MNAT1: variants seen among roughly 807,000 people sequenced by gnomAD.
MNAT1 encodes the protein CDK-activating kinase assembly factor MAT1.
In MNAT1, 43 loss-of-function variants were observed where a neutral mutation model predicts 42.0. That is an observed-to-expected ratio of 1.02 (90% CI 0.80 to 1.32). The LOEUF (loss-of-function observed/expected upper bound fraction) is 1.32, where lower values mean the gene tolerates loss of function less well. Ranked by LOEUF, MNAT1 falls within the 40% of genes most tolerant of loss-of-function variation. MNAT1 has a pLI of 0.00. For synonymous variants in MNAT1, 118 were observed against 120.0 expected, an observed-to-expected ratio of 0.98 and a Z score of 0.11; for missense variants, 306 against 350.4, an observed-to-expected ratio of 0.87 and a Z score of 1.01.
intron 7 of MNAT1, among the ~76,000 whole-genome samples, chr14:60,934,335 G>C (rs896399827): frequency 6.6e-6 from 1 of 152,134 alleles, no homozygotes; most frequent in African/African-American, 2.4e-5. Flanking sequence ...TTTTGTCTGG[G>C]TCTGAAAATT....
chr14:60,774,121 AAGAC>A (rs1269866744), intron 1 of MNAT1, among the ~76,000 whole-genome samples: 6 of 152,256 alleles, frequency 3.9e-5, no homozygotes, highest in Non-Finnish European at 8.8e-5. Flanking sequence ...GATCTTTTAA[AAGAC>A]AGATCAATTT....
chr14:60,930,496 T>C (rs1241504211), intron 7 of MNAT1, among the ~76,000 whole-genome samples: 1 of 152,100 alleles, frequency 6.6e-6, no homozygotes, highest in Non-Finnish European at 1.5e-5. Context: ...GTAATTGTGC[T>C]GGGTGGAAGA....
At chr14:60,834,419 A>C (rs189717213) in intron 6 of MNAT1, among the ~76,000 whole-genome samples, 6 of 152,312 alleles carry the variant, frequency 3.9e-5, no homozygotes, top group African/African-American at 1.4e-4. Context: ...TTATTTACCC[A>C]GTAGTCATTC....
At position 60,848,770 on chromosome 14, in the gene MNAT1, T is replaced by C. The variant is rs142570065; in HGVS notation, c.687+29923T>C. Among the ~76,000 whole-genome samples, 305 of 152,288 alleles carry C rather than the reference T, an allele frequency of 2.0e-3. 1 individual carries two copies. Among genetic ancestry groups the C allele is most frequent in the African/African-American group, 6.5e-3 (270 of 41,574 alleles). ...CTTATAATAATTAAAGTATTGACTT[T>C]TCTGGAGGACTATATAATCTTAATA... On this transcript the variant is annotated intron_variant, in intron 6 of 7. Transcript: ENST00000261245.
intron 1 of MNAT1, among the ~76,000 whole-genome samples, chr14:60,768,161 A>T (rs921887006): frequency 4.6e-5 from 7 of 152,156 alleles, no homozygotes; most frequent in Admixed American, 3.9e-4. Flanking sequence ...TCGACCTCCC[A>T]AAGTGCTGGG....
At chr14:60,783,662 A>G (rs2031542152) in intron 1 of MNAT1, among the ~76,000 whole-genome samples, 1 of 151,010 alleles carries the variant, frequency 6.6e-6, no homozygotes, top group South Asian at 2.1e-4. Context: ...ACGCCCAGCT[A>G]ATTTTTTGTA....
intron 1 of MNAT1, among the ~76,000 whole-genome samples, chr14:60,745,911 C>T (rs1289111707): frequency 6.6e-6 from 1 of 152,130 alleles, no homozygotes; most frequent in Non-Finnish European, 1.5e-5. Flanking sequence ...TGCAGAACAG[C>T]GCTTAGAGAA....
chr14:60,937,983 C>T (rs1594891950), intron 7 of MNAT1, among the ~76,000 whole-genome samples: 2 of 152,064 alleles, frequency 1.3e-5, no homozygotes, highest in Non-Finnish European at 2.9e-5. Context: ...TTTTATTCTC[C>T]TTGAAGCAAT....
intron 7 of MNAT1, among the ~76,000 whole-genome samples, chr14:60,896,273 A>T (rs2034955084): frequency 6.6e-6 from 1 of 152,192 alleles, no homozygotes. Context: ...TTAACTGCTA[A>T]TTGAAATTCC....
chr14:60,771,427 G>C lies in MNAT1; in HGVS notation c.90-24790G>C, dbSNP rs563821031. On this transcript the variant is annotated intron_variant, in intron 1 of 7. Transcript: ENST00000261245. The stretch of plus-strand genomic sequence containing the variant: ...TCTTTTTCACGAATTTATGGTAGTG[G>C]CTCATACATTAGTTTGCCTGCTTTT... Among the ~76,000 whole-genome samples the C allele has an allele frequency of 4.6e-5, 7 of 152,164 alleles. No individual in the cohort carries two copies. The East Asian group carries it at 9.7e-4, about 21-fold the overall frequency.
At chr14:60,834,150 GT>G (rs1447011506) in intron 6 of MNAT1, among the ~76,000 whole-genome samples, 1 of 151,992 alleles carries the variant, frequency 6.6e-6, no homozygotes, top group Non-Finnish European at 1.5e-5. Flanking sequence ...TTTTTGAAGT[GT>G]TTTTTGTGTC....
intron 6 of MNAT1, among the ~76,000 whole-genome samples, chr14:60,853,351 A>G (rs532709821): frequency 2.0e-5 from 3 of 151,868 alleles, no homozygotes; most frequent in Admixed American, 6.6e-5. Flanking sequence ...CTGCTTGTCT[A>G]TTGTTGCTGT....
chr14:60,939,039 T>G (rs200063609), intron 7 of MNAT1, among the ~76,000 whole-genome samples: 2 of 152,256 alleles, frequency 1.3e-5, no homozygotes, highest in Non-Finnish European at 2.9e-5. Flanking sequence ...TATAGTATTC[T>G]CTGATGGTAG....
intron 7 of MNAT1, among the ~76,000 whole-genome samples, chr14:60,901,013 C>CAAAAAAAAAA (rs56345746): frequency 2.7e-5 from 1 of 36,558 alleles, no homozygotes; most frequent in Non-Finnish European, 4.4e-5. Context: ...GAGCCTGTCT[C>CAAAAAAAAAA]AAAAAAAAAA....
intron 7 of MNAT1, among the ~76,000 whole-genome samples, chr14:60,887,741 T>C (rs917108191): frequency 1.3e-5 from 2 of 151,612 alleles, no homozygotes; most frequent in African/African-American, 2.4e-5. Flanking sequence ...ATCAAATAGA[T>C]GCAATAAAAA....
chr14:60,770,948 A>G (rs988823233), intron 1 of MNAT1, among the ~76,000 whole-genome samples: 2 of 152,182 alleles, frequency 1.3e-5, no homozygotes, highest in Non-Finnish European at 2.9e-5. Flanking sequence ...CTGTTAATGG[A>G]CATAGGTATT....
At chr14:60,834,525 A>G (rs991381179) in intron 6 of MNAT1, among the ~76,000 whole-genome samples, 1 of 152,046 alleles carries the variant, frequency 6.6e-6, no homozygotes, top group Non-Finnish European at 1.5e-5. Context: ...GTGAGAGACC[A>G]TTTGTTATGA....
intron 7 of MNAT1, among the ~76,000 whole-genome samples, chr14:60,931,073 T>A (rs1001390267): frequency 6.6e-5 from 10 of 152,090 alleles, no homozygotes; most frequent in African/African-American, 2.2e-4. Flanking sequence ...AGTGCCAAAA[T>A]AAGAGAGTTG....
chr14:60,779,467 G>A (rs532236262), intron 1 of MNAT1, among the ~76,000 whole-genome samples: 32 of 152,154 alleles, frequency 2.1e-4, no homozygotes, highest in Admixed American at 1.6e-3. Flanking sequence ...AAAGTTTCCC[G>A]TGGAAACAAA....
Sources: gnomAD v4.1 joint callset for allele counts (sites outside exome capture counted in the v4.1 genomes callset) on GRCh38, gnomAD v4.1.1 for gene constraint, MANE v1.5 for transcripts, NCBI Gene and HGNC (gene_info 2026-07-23, HGNC 2026-07-21) for gene names.